The following CYP3A4 variants were observed in gnomAD, a reference collection of about 807,000 sequenced individuals.
The protein encoded by CYP3A4 is cytochrome P450 family 3 subfamily A member 4, also known as cytochrome P450 3A4.
A neutral mutation model predicts 54.9 loss-of-function variants in CYP3A4; 41 were observed. That is an observed-to-expected ratio of 0.75 (90% confidence interval 0.58 to 0.97). The LOEUF is 0.97. CYP3A4 is among the 50% of genes least tolerant of loss of function. CYP3A4 has a pLI of 0.00. For synonymous variants in CYP3A4, 179 were observed against 205.2 expected, an observed-to-expected ratio of 0.87 and a Z score of 1.09; for missense variants, 510 against 597.3, an observed-to-expected ratio of 0.85 and a Z score of 1.52.
intron 7 of CYP3A4, 106 bp downstream of exon 7, chr7:99,768,248 T>C: frequency 7.9e-7 from 1 of 1,265,242 alleles, no homozygotes. Flanking sequence ...TACAAATCAC[T>C]GAACTGTATA....
At position 99,772,606 on chromosome 7, in the gene CYP3A4, A is replaced by G; in HGVS notation, c.302T>C (p.Val101Ala). 1 of 1,612,972 alleles carries G rather than the reference A, an allele frequency of 6.2e-7. No individual in the cohort carries two copies. The highest frequency in any genetic ancestry group is 1.1e-5 in the South Asian group (1 of 91,042). ...AATGCTTACCCTCCGGTTTGTGAAG[A>G]CAGAATAACATTCTTTCACTAGCAC... ...KTVLVKECYS[V>A]FTNRRPFGPV... Residue 101 changes from valine to alanine, a missense_variant, in exon 4 of 13, where the codon GTC becomes GCC. Val to Ala is a moderately conservative substitution (Grantham distance 64). Transcript: ENST00000651514.
intron 12 of CYP3A4, among the ~76,000 whole-genome samples, chr7:99,759,237 A>G (rs916918368): frequency 4.6e-5 from 7 of 152,256 alleles, no homozygotes; most frequent in Non-Finnish European, 7.3e-5. Flanking sequence ...GAATTGAATA[A>G]TAAATACATG....
At position 99,783,606 on chromosome 7, in the gene CYP3A4, C is replaced by CTTTTTTTTTTTTT. The variant is rs11432957; in HGVS notation, c.71+392_71+404dup. Among the ~76,000 whole-genome samples, 2 of 103,826 alleles carry CTTTTTTTTTTTTT rather than the reference C, an allele frequency of 1.9e-5. 1 individual carries two copies. The allele number at this position is 103,826 out of a possible 152,430, so 68.1% of individuals were successfully genotyped here. On this transcript the variant is annotated intron_variant, in intron 1 of 12. Coordinates refer to ENST00000651514, the MANE Select transcript of CYP3A4 (RefSeq NM_017460.6). The stretch of plus-strand genomic sequence containing the variant: ...ACTTAAGCTACTGCTCCTTGAACAT[C>CTTTTTTTTTTTTT]TTTTTTTTTTTTTTTTTTTTTTGAG...
intron 7 of CYP3A4, 98 bp downstream of exon 7, chr7:99,768,256 A>G: frequency 1.5e-6 from 2 of 1,303,552 alleles, no homozygotes; most frequent in Admixed American, 4.0e-5. Context: ...ACTGAACTGT[A>G]TATTTTAAGT....
At chr7:99,769,707 AT>A in intron 6 of CYP3A4, 60 bp downstream of exon 6, 14 of 1,602,028 alleles carry the variant, frequency 8.7e-6, no homozygotes, top group Non-Finnish European at 1.2e-5. Context: ...TATCAGCTCC[AT>A]GGCAGGCAGC....
chr7:99,764,860 A>C (rs1815436067), intron 9 of CYP3A4, among the ~76,000 whole-genome samples: 2 of 152,204 alleles, frequency 1.3e-5, no homozygotes, highest in East Asian at 1.9e-4. Flanking sequence ...AGCTCCTATG[A>C]TTACAAGTTG....
intron 11 of CYP3A4, 122 bp from the exon 12 acceptor site, chr7:99,761,103 C>T: frequency 8.8e-7 from 1 of 1,140,610 alleles, no homozygotes; most frequent in Non-Finnish European, 1.2e-6. Flanking sequence ...CTTTTGTGGG[C>T]TGGTCATTGA....
rs771870440 is a variant in CYP3A4, at chr7:99,762,109, C to A, written c.1185G>T (p.Met395Ile). 1.9e-5 allele frequency: 31 copies of A among 1,613,920 alleles called. No individual in the cohort carries two copies. Among genetic ancestry groups the A allele is most frequent in the Non-Finnish European group, 4.2e-6 (5 of 1,179,990 alleles). The change falls in exon 11 of 13, where the codon ATG becomes ATT. Residue 395 changes from methionine to isoleucine, a missense_variant. Coordinates refer to ENST00000651514, the MANE Select transcript of CYP3A4 (RefSeq NM_017460.6). Reference protein sequence around the residue: ...GMFIPKGVVVMIPSYALHRDP... With the variant: ...GMFIPKGVVVIIPSYALHRDP... ...CACGGTGAAGAGCATAGCTTGGAAT[C>A]ATCACCACCACCCCTTTGGGAATGA...
intron 4 of CYP3A4, among the ~76,000 whole-genome samples, chr7:99,770,723 T>G (rs1345058199): frequency 6.6e-6 from 1 of 152,124 alleles, no homozygotes; most frequent in African/African-American, 2.4e-5. Context: ...AAATAGTAGG[T>G]AATACCTTTA....
At chr7:99,760,501 C>A (rs1238518976) in intron 12 of CYP3A4, among the ~76,000 whole-genome samples, 2 of 152,200 alleles carry the variant, frequency 1.3e-5, no homozygotes, top group Non-Finnish European at 1.5e-5. Context: ...GTAATCATTA[C>A]ACTTCATGAC....
intron 3 of CYP3A4, among the ~76,000 whole-genome samples, chr7:99,773,438 A>G (rs1325804975): frequency 6.6e-6 from 1 of 152,194 alleles, no homozygotes; most frequent in Non-Finnish European, 1.5e-5. Flanking sequence ...TTGACCACAT[A>G]ATTGGAAGTA....
intron 2 of CYP3A4, among the ~76,000 whole-genome samples, chr7:99,779,704 AAG>A (rs1176629891): frequency 6.6e-6 from 1 of 152,160 alleles, no homozygotes; most frequent in African/African-American, 2.4e-5. Context: ...ATAGAGCAAA[AAG>A]AAAACCTTCT....
At position 99,770,255 on chromosome 7, in the gene CYP3A4, C is replaced by T. The variant is rs367939639; in HGVS notation, c.319-20G>A. On this transcript the variant is annotated intron_variant, in intron 4 of 12. Transcript: ENST00000651514. ...AAAAGGCTAGAGTTCAAAGCAGAAA[C>T]ATTTTGTCCTACATCAGTTGTGGAG... 2.5e-6 allele frequency: 4 copies of T among 1,589,608 alleles called. No individual in the cohort carries two copies. Among genetic ancestry groups the T allele is most frequent in the Non-Finnish European group, 3.5e-6 (4 of 1,158,060 alleles).
rs1290863989 is a variant in CYP3A4 at position 99,784,116 on chromosome 7, C to A, written c.-35G>T. ...CCTTACTTATCTCTCTCCTCTGAGTCTTCCTTTCAGCTCTGTGTTGCTCTT... is the reference window on the plus strand; with the variant it reads ...CCTTACTTATCTCTCTCCTCTGAGTATTCCTTTCAGCTCTGTGTTGCTCTT... On this transcript the variant is annotated 5_prime_UTR_variant, in exon 1 of 13. Coordinates refer to ENST00000651514, the MANE Select transcript of CYP3A4 (RefSeq NM_017460.6). 4.4e-6 allele frequency: 7 copies of A among 1,589,044 alleles called. No homozygotes were observed. Among genetic ancestry groups the A allele is most frequent in the Non-Finnish European group, 5.2e-6 (6 of 1,157,658 alleles).
intron 10 of CYP3A4, among the ~76,000 whole-genome samples, 182 bp downstream of exon 10, chr7:99,763,673 G>C (rs186088314): frequency 6.6e-6 from 1 of 152,292 alleles, no homozygotes; most frequent in Admixed American, 6.5e-5. Flanking sequence ...AAGATCTTAC[G>C]CTTCTGCCAG....
At chr7:99,766,703 G>C (rs563177357) in intron 8 of CYP3A4, 1 of 493,330 alleles carries the variant, frequency 2.0e-6, no homozygotes, top group African/African-American at 1.9e-5. Context: ...TGGCCTGATA[G>C]GGACTTTCAT....
At chr7:99,772,286 C>T (rs1424704183) in intron 4 of CYP3A4, among the ~76,000 whole-genome samples, 1 of 152,088 alleles carries the variant, frequency 6.6e-6, no homozygotes, top group Non-Finnish European at 1.5e-5. Context: ...TCATGCTGGT[C>T]ATTGCACAAA....
intron 1 of CYP3A4, among the ~76,000 whole-genome samples, chr7:99,781,763 C>T (rs1196118702): frequency 6.6e-6 from 1 of 152,160 alleles, no homozygotes; most frequent in Non-Finnish European, 1.5e-5. Flanking sequence ...TAGGGGCCTT[C>T]GAATGTCCAC....
chr7:99,782,273 C>T (rs915944421), intron 1 of CYP3A4, among the ~76,000 whole-genome samples: 3 of 152,182 alleles, frequency 2.0e-5, no homozygotes, highest in Middle Eastern at 3.2e-3. Context: ...CACATGGTTC[C>T]GTGTCAAGGC....
Sources: allele counts gnomAD v4.1 joint callset (sites outside exome capture counted in the v4.1 genomes callset), GRCh38; gene constraint gnomAD v4.1.1; transcripts MANE v1.5; gene names NCBI Gene and HGNC (gene_info 2026-07-23, HGNC 2026-07-21).